Variants in GRB14 observed in about 807,000 individuals in gnomAD.
GRB14 encodes the protein growth factor receptor-bound protein 14.
GRB14 carries 38 observed loss-of-function variants against 69.1 expected under a neutral mutation model. That is an observed-to-expected ratio of 0.55 (90% CI 0.42 to 0.72). GRB14 has a LOEUF of 0.72. GRB14 is among the 30% of genes least tolerant of loss of function. The pLI is 0.00. For synonymous variants in GRB14, 247 were observed against 241.3 expected, an observed-to-expected ratio of 1.02 and a Z score of -0.22; for missense variants, 666 against 666.1, an observed-to-expected ratio of 1.00 and a Z score of 0.00.
intron 3 of GRB14, among the ~76,000 whole-genome samples, chr2:164,528,363 T>C (rs1687835294): frequency 6.6e-6 from 1 of 152,050 alleles, no homozygotes; most frequent in South Asian, 2.1e-4. Flanking sequence ...AAATAGGAAA[T>C]GGAGAACAAC....
chr2:164,573,641 T>C, intron 2 of GRB14: 1 of 1,533,374 alleles, frequency 6.5e-7, no homozygotes, highest in Non-Finnish European at 8.9e-7. Context: ...AGTTTTTTTT[T>C]CATCTTTTCT....
chr2:164,522,270 ACTG>A (rs1219883585), intron 5 of GRB14, among the ~76,000 whole-genome samples, 153 bp from the exon 6 acceptor site: 1 of 152,082 alleles, frequency 6.6e-6, no homozygotes, highest in Non-Finnish European at 1.5e-5. Flanking sequence ...GTTTGTGTAT[ACTG>A]CATTGCTTTG....
chr2:164,594,694 C>A (rs993087089), intron 2 of GRB14, among the ~76,000 whole-genome samples: 10 of 152,188 alleles, frequency 6.6e-5, no homozygotes, highest in Non-Finnish European at 1.2e-4. Context: ...AAGATGTAAT[C>A]CATTTCTTCC....
chr2:164,620,348 T>C (rs908861318), intron 1 of GRB14, among the ~76,000 whole-genome samples: 4 of 152,136 alleles, frequency 2.6e-5, no homozygotes, highest in Non-Finnish European at 5.9e-5. Flanking sequence ...CAAATTTCAT[T>C]CACAATGTTG....
At chr2:164,608,374 A>C (rs1308642899) in intron 2 of GRB14, among the ~76,000 whole-genome samples, 1 of 152,184 alleles carries the variant, frequency 6.6e-6, no homozygotes, top group Admixed American at 6.5e-5. Flanking sequence ...CCCTCTAAAA[A>C]AAAAGCAAAC....
At chr2:164,538,632 G>C (rs1232731630) in intron 3 of GRB14, among the ~76,000 whole-genome samples, 1 of 152,130 alleles carries the variant, frequency 6.6e-6, no homozygotes, top group Admixed American at 6.6e-5. Context: ...ACAAAATCAA[G>C]ATATTTAGTT....
At chr2:164,560,847 A>G (rs927758663) in intron 2 of GRB14, among the ~76,000 whole-genome samples, 2 of 152,160 alleles carry the variant, frequency 1.3e-5, no homozygotes, top group African/African-American at 4.8e-5. Context: ...TTCTTGCCAA[A>G]ACAAATTTTG....
chr2:164,589,829 T>C (rs1689619280), intron 2 of GRB14, among the ~76,000 whole-genome samples: 1 of 152,298 alleles, frequency 6.6e-6, no homozygotes, highest in East Asian at 1.9e-4. Context: ...ACTGGGTGGC[T>C]TATAAGCAAC....
intron 2 of GRB14, among the ~76,000 whole-genome samples, chr2:164,556,722 C>A (rs534850588): frequency 6.6e-6 from 1 of 152,132 alleles, no homozygotes; most frequent in Admixed American, 6.5e-5. Context: ...CAGCTTAGGT[C>A]CAGGCCCTTT....
intron 6 of GRB14, among the ~76,000 whole-genome samples, chr2:164,514,195 A>G (rs1687418763): frequency 6.6e-6 from 1 of 152,232 alleles, no homozygotes; most frequent in African/African-American, 2.4e-5. Flanking sequence ...GAAGTAAAGG[A>G]ACAGGAGGCA....
rs1690447476 is a variant in GRB14, at chr2:164,621,073, G to T, written c.191+46C>A. On this transcript the variant is annotated intron_variant, in intron 1 of 13. Coordinates refer to ENST00000263915, the MANE Select transcript of GRB14 (RefSeq NM_004490.3). This position sits in a 1 kb window ranked among gnomAD's most constrained non-coding sequence, Gnocchi z 6.0. ...AGGACCGCCTCCTCACCCCCTCGCC[G>T]GCTGCCCAGCCAGGACACTCCCCCG... 3 of 1,242,584 alleles carry T rather than the reference G, an allele frequency of 2.4e-6. No individual in the cohort carries two copies. The highest frequency in any genetic ancestry group is 4.2e-5 in the Admixed American group (1 of 23,688). The allele number at this position is 1,242,584 out of a possible 1,614,324, so 77.0% of individuals were successfully genotyped here. A position where few individuals can be genotyped will look rare whatever the true frequency, so the allele number is the denominator to read the frequency against.
At chr2:164,545,974 T>G (rs1688363167) in intron 3 of GRB14, among the ~76,000 whole-genome samples, 1 of 152,188 alleles carries the variant, frequency 6.6e-6, no homozygotes, top group South Asian at 2.1e-4. Flanking sequence ...ACTTACTTAT[T>G]TCTTCAAGAA....
chr2:164,530,109 A>T (rs1687884490), intron 3 of GRB14, among the ~76,000 whole-genome samples: 1 of 152,150 alleles, frequency 6.6e-6, no homozygotes. Flanking sequence ...GAGGTTGGGT[A>T]ATTTATATAG....
intron 2 of GRB14, among the ~76,000 whole-genome samples, chr2:164,562,035 C>A (rs1319721638): frequency 6.6e-6 from 1 of 152,150 alleles, no homozygotes; most frequent in Non-Finnish European, 1.5e-5. Context: ...CTAAAGAGCT[C>A]AATCTTGCCT....
intron 2 of GRB14, among the ~76,000 whole-genome samples, chr2:164,594,235 C>A (rs1290030727): frequency 6.6e-6 from 1 of 152,114 alleles, no homozygotes; most frequent in Admixed American, 6.5e-5. Flanking sequence ...AAAAGGGTTA[C>A]CTCCTTTGGC....
intron 3 of GRB14, among the ~76,000 whole-genome samples, chr2:164,546,289 G>T (rs1315532208): frequency 6.6e-6 from 1 of 151,984 alleles, no homozygotes; most frequent in Non-Finnish European, 1.5e-5. Flanking sequence ...AAAAATAAAA[G>T]AATAAAGAAA....
At chr2:164,525,853 C>T (rs1407554882) in intron 4 of GRB14, among the ~76,000 whole-genome samples, 1 of 152,000 alleles carries the variant, frequency 6.6e-6, no homozygotes, top group Non-Finnish European at 1.5e-5. Flanking sequence ...TATTCCTATC[C>T]TCTGCTCACT....
At chr2:164,526,275 A>G (rs530529190) in intron 4 of GRB14, among the ~76,000 whole-genome samples, 72 of 152,090 alleles carry the variant, frequency 4.7e-4, no homozygotes, top group Non-Finnish European at 8.1e-4. Flanking sequence ...ATTATCATCC[A>G]AAACTTAGTG....
intron 8 of GRB14, among the ~76,000 whole-genome samples, chr2:164,504,971 G>T (rs375157763): frequency 2.0e-5 from 3 of 152,178 alleles, no homozygotes; most frequent in Admixed American, 6.5e-5. Context: ...AGGGCCCCCA[G>T]ACAAGACGTC....
Sources: allele counts gnomAD v4.1 joint callset (sites outside exome capture counted in the v4.1 genomes callset), GRCh38; gene constraint gnomAD v4.1.1; non-coding constraint Gnocchi (gnomAD v3.1); transcripts MANE v1.5; gene names NCBI Gene and HGNC (gene_info 2026-07-23, HGNC 2026-07-21).